Variants in FAM13A observed in about 807,000 individuals in gnomAD.
The protein encoded by FAM13A is protein FAM13A.
A neutral mutation model predicts 129.6 loss-of-function variants in FAM13A; 76 were observed. That is an observed-to-expected ratio of 0.59 (90% CI 0.49 to 0.71). The LOEUF (loss-of-function observed/expected upper bound fraction) is 0.71. FAM13A is among the 30% of genes least tolerant of loss of function. The pLI is 0.00. For missense variants in FAM13A, 1,108 were observed against 1,249.3 expected, an observed-to-expected ratio of 0.89 and a Z score of 1.70; for synonymous variants, 443 against 449.9, an observed-to-expected ratio of 0.98 and a Z score of 0.20.
intron 4 of FAM13A, among the ~76,000 whole-genome samples, chr4:88,958,230 A>G (rs1758062816): frequency 6.6e-6 from 1 of 152,216 alleles, no homozygotes; most frequent in South Asian, 2.1e-4. Context: ...AGCCCCTCCC[A>G]TCACAGGCCC....
At chr4:88,843,145 G>A (rs1197820825) in intron 7 of FAM13A, among the ~76,000 whole-genome samples, 1 of 152,158 alleles carries the variant, frequency 6.6e-6, no homozygotes, top group African/African-American at 2.4e-5. Flanking sequence ...CAGTTTGAGA[G>A]GTTGGGGCCC....
intron 10 of FAM13A, among the ~76,000 whole-genome samples, chr4:88,782,649 C>A: frequency 6.6e-6 from 1 of 151,972 alleles, no homozygotes; most frequent in Non-Finnish European, 1.5e-5. Context: ...TTTTAACACT[C>A]CATATTTTAG....
intron 2 of FAM13A, among the ~76,000 whole-genome samples, chr4:89,025,245 GTTTTTTTTTTTTTTTTTT>G (rs56710705): frequency 3.3e-5 from 2 of 61,362 alleles, no homozygotes; most frequent in Admixed American, 2.3e-4. Context: ...TGGAATCATT[GTTTTTTTTTTTTTTTTTT>G]TTTTTTTTTT....
intron 6 of FAM13A, among the ~76,000 whole-genome samples, chr4:88,893,375 A>G (rs900282813): frequency 1.3e-5 from 2 of 152,210 alleles, no homozygotes; most frequent in African/African-American, 4.8e-5. Context: ...CTTTAATCCC[A>G]GCACTTTGGG....
chr4:89,047,132 A>G (rs1041691774), intron 1 of FAM13A, among the ~76,000 whole-genome samples: 1 of 152,178 alleles, frequency 6.6e-6, no homozygotes, highest in Non-Finnish European at 1.5e-5. Context: ...GGACTGCCAG[A>G]TATTTGGAAT....
At chr4:88,901,051 C>A (rs1297644462) in intron 6 of FAM13A, among the ~76,000 whole-genome samples, 3 of 152,060 alleles carry the variant, frequency 2.0e-5, no homozygotes, top group African/African-American at 7.2e-5. Context: ...CAAAGAAGAG[C>A]TTTACATAAT....
At chr4:88,985,851 A>AAT (rs1553914950) in intron 4 of FAM13A, among the ~76,000 whole-genome samples, 1 of 151,608 alleles carries the variant, frequency 6.6e-6, no homozygotes, top group Admixed American at 6.6e-5. Flanking sequence ...AAAAGAATAA[A>AAT]AAAAAAAAAA....
In FAM13A at chr4:88,810,488, C is replaced by A. The variant is rs183002041; in HGVS notation, c.1008-5436G>T. The stretch of plus-strand genomic sequence containing the variant: ...ACACAGAGACAGATATGCACCCAGG[C>A]AGAATATCATGTGAAGATTGGAGTT... On this transcript the variant is annotated intron_variant, in intron 7 of 23. Coordinates refer to ENST00000264344, the MANE Select transcript of FAM13A (RefSeq NM_014883.4). Among the ~76,000 whole-genome samples the A allele has an allele frequency of 8.8e-4, 134 of 152,150 alleles. 1 individual carries two copies. Among genetic ancestry groups the A allele is most frequent in the Non-Finnish European group, 1.7e-3 (118 of 68,010 alleles).
chr4:88,991,217 G>A, intron 3 of FAM13A, 67 bp from the exon 4 acceptor site: 1 of 1,167,424 alleles, frequency 8.6e-7, no homozygotes, highest in Non-Finnish European at 1.2e-6. Context: ...AAGCCCATAG[G>A]TGTAATACAT....
intron 6 of FAM13A, among the ~76,000 whole-genome samples, chr4:88,851,788 A>G (rs995601959): frequency 2.6e-5 from 4 of 152,190 alleles, no homozygotes; most frequent in African/African-American, 9.6e-5. Flanking sequence ...CATGGGTAAT[A>G]TATGTCCCAA....
At chr4:88,964,831 T>C (rs1245126297) in intron 4 of FAM13A, among the ~76,000 whole-genome samples, 2 of 152,056 alleles carry the variant, frequency 1.3e-5, no homozygotes, top group Non-Finnish European at 2.9e-5. Context: ...TTTCACCACA[T>C]TGGCCGGGCT....
chr4:88,776,218 C>A (rs1164155028), intron 11 of FAM13A, among the ~76,000 whole-genome samples: 1 of 152,190 alleles, frequency 6.6e-6, no homozygotes, highest in Non-Finnish European at 1.5e-5. Flanking sequence ...TCACTTTTAG[C>A]TATATATCCT....
At chr4:89,006,517 A>C (rs1047287117) in intron 3 of FAM13A, among the ~76,000 whole-genome samples, 3 of 152,216 alleles carry the variant, frequency 2.0e-5, no homozygotes, top group African/African-American at 7.2e-5. Flanking sequence ...GCAGGCAAGC[A>C]GGTGCTGGGG....
chr4:89,029,899 C>A, intron 1 of FAM13A: 1 of 471,360 alleles, frequency 2.1e-6, no homozygotes, highest in Non-Finnish European at 3.7e-6. Context: ...GAGCAATACA[C>A]TGCCGTATCT....
intron 6 of FAM13A, among the ~76,000 whole-genome samples, chr4:88,872,429 G>C (rs1157943906): frequency 1.3e-5 from 2 of 152,154 alleles, no homozygotes; most frequent in Non-Finnish European, 2.9e-5. Flanking sequence ...TCAAAATAAA[G>C]GGATGGAGGA....
At chr4:88,749,714 T>C (rs2149469773) in intron 16 of FAM13A, 57 bp downstream of exon 16, 3 of 1,573,558 alleles carry the variant, frequency 1.9e-6, no homozygotes, top group Non-Finnish European at 2.6e-6. Flanking sequence ...GTTGCTGAAA[T>C]GCTGCCATGT....
At chr4:89,004,981 G>GT (rs34858310) in intron 3 of FAM13A, among the ~76,000 whole-genome samples, 14 of 150,558 alleles carry the variant, frequency 9.3e-5, no homozygotes, top group South Asian at 4.2e-4. Context: ...TCATGTCATG[G>GT]TTTTTTTTTT....
At chr4:88,782,430 A>T (rs1031451497) in intron 10 of FAM13A, among the ~76,000 whole-genome samples, 1 of 152,132 alleles carries the variant, frequency 6.6e-6, no homozygotes. Flanking sequence ...CTCCCTAAAC[A>T]CCTAAAACTG....
At chr4:88,998,398 C>G (rs1227074532) in intron 3 of FAM13A, among the ~76,000 whole-genome samples, 1 of 152,178 alleles carries the variant, frequency 6.6e-6, no homozygotes, top group Non-Finnish European at 1.5e-5. Flanking sequence ...GACCTCATAA[C>G]ATACAATTTG....
Sources: allele counts gnomAD v4.1 joint callset (sites outside exome capture counted in the v4.1 genomes callset), GRCh38; gene constraint gnomAD v4.1.1; transcripts MANE v1.5; gene names NCBI Gene and HGNC (gene_info 2026-07-23, HGNC 2026-07-21).